SBF2: variants seen among roughly 807,000 people sequenced by gnomAD.
SBF2 encodes SET binding factor 2.
In SBF2, 112 loss-of-function variants were observed where a neutral mutation model predicts 225.2. The observed-to-expected ratio is 0.50, with a 90% CI of 0.43 to 0.58. SBF2 has a LOEUF of 0.58. Among genes scored for constraint, SBF2 ranks in the 20% least tolerant of loss-of-function variants. The pLI is 0.00. For missense variants in SBF2, 1,996 were observed against 2,206.2 expected (o/e 0.90, Z 1.91); for synonymous variants, 763 against 773.3 (o/e 0.99, Z 0.22).
chr11:9,865,045 A>G (rs772229793), intron 17 of SBF2, among the ~76,000 whole-genome samples: 5 of 151,986 alleles, frequency 3.3e-5, no homozygotes, highest in Non-Finnish European at 5.9e-5. Context: ...TGAGTAGCTG[A>G]GACTACAGGT....
At chr11:9,973,538 A>G (rs1946549465) in intron 13 of SBF2, among the ~76,000 whole-genome samples, 2 of 152,188 alleles carry the variant, frequency 1.3e-5, no homozygotes, top group African/African-American at 4.8e-5. Flanking sequence ...TTGGATAATG[A>G]TTTTCAAGGA....
chr11:10,297,954 CCA>C (rs1964563288), upstream of SBF2, among the ~76,000 whole-genome samples: 1 of 152,282 alleles, frequency 6.6e-6, no homozygotes, highest in Non-Finnish European at 1.5e-5. Context: ...CCTACAATAA[CCA>C]CCATCACCTT....
At position 10,303,102 on chromosome 11, in the gene SBF2, G is replaced by A. The variant is rs1478986424; in HGVS notation, n.386+1390C>T. The A allele has an allele frequency of 6.6e-6, 1 of 152,448 alleles. No homozygotes were observed. Among genetic ancestry groups the A allele is most frequent in the Non-Finnish European group, 1.5e-5 (1 of 68,182 alleles). 9.4% of individuals were successfully genotyped at this position (152,448 alleles called of 1,614,324 possible). A position where few individuals can be genotyped will look rare whatever the true frequency, so the allele number is the denominator to read the frequency against. On this transcript the variant is annotated intron_variant and non_coding_transcript_variant, in intron 1 of 5. Coordinates refer to the SBF2 transcript ENST00000685217. The surrounding 1 kb of genome is among the most constrained non-coding windows in gnomAD (Gnocchi z 5.2). ...GGAAAAGGAAATGGGAGACAAGGGA[G>A]AAGAACAATAGTTAGGCTGGGGAGG...
intron 30 of SBF2, chr11:9,809,216 A>G (rs1043814195): frequency 2.1e-6 from 1 of 485,644 alleles, no homozygotes; most frequent in Admixed American, 3.4e-5. Context: ...CCATAATCCC[A>G]GCACTTTGGG....
rs779732322 is a variant in SBF2 at position 9,784,305 on chromosome 11, G to A, written c.5319+46C>T. 5.1e-6 allele frequency: 7 copies of A among 1,380,678 alleles called. No homozygotes were observed. The East Asian group carries it at 1.4e-4, about 27-fold the overall frequency. The allele number at this position is 1,380,678 out of a possible 1,614,324, so 85.5% of individuals were successfully genotyped here. A position where few individuals can be genotyped will look rare whatever the true frequency, so the allele number is the denominator to read the frequency against. On this transcript the variant is annotated intron_variant, in intron 38 of 39. Coordinates refer to ENST00000256190, the MANE Select transcript of SBF2 (RefSeq NM_030962.4). ...GAGCCACATAATAGCCAGGGACTGG[G>A]ACTAGCCTAGACAGAAGTAATTTCT...
chr11:9,781,604 C>T lies in SBF2; in HGVS notation c.5354G>A (p.Cys1785Tyr). Residue 1785 changes from cysteine (C) to tyrosine (Y), a missense_variant, in exon 39 of 40, where the codon TGT (cysteine) becomes TAT (tyrosine). Transcript: ENST00000256190. ...TTCAGCCAGATCAATGTGGCCTTTA[C>T]AGCTTGTGTCCTCACCTGAGTCATA... is the stretch of plus-strand genomic sequence containing the variant. ...RYYDSGEDTS[C>Y]KGHIDLAEVE... is the part of the protein sequence containing the mutation. 3 of 1,614,212 alleles carry T rather than the reference C, an allele frequency of 1.9e-6. No individual in the cohort carries two copies. The South Asian group carries it at 3.3e-5, about 18-fold the overall frequency.
At chr11:10,134,850 C>A (rs1954272764) in intron 2 of SBF2, among the ~76,000 whole-genome samples, 1 of 152,204 alleles carries the variant, frequency 6.6e-6, no homozygotes, top group Non-Finnish European at 1.5e-5. Context: ...ACAGTGCAAG[C>A]TGTCGGTGGA....
At chr11:10,286,166 G>GCACGCA (rs1555108875) in intron 1 of SBF2, among the ~76,000 whole-genome samples, 2 of 147,238 alleles carry the variant, frequency 1.4e-5, no homozygotes, top group African/African-American at 2.5e-5. Context: ...ACACGCACAC[G>GCACGCA]CACACACACA....
intron 13 of SBF2, among the ~76,000 whole-genome samples, chr11:9,977,269 A>G (rs1312793913): frequency 2.6e-5 from 4 of 152,054 alleles, no homozygotes; most frequent in African/African-American, 9.7e-5. Context: ...GGACTGCTTG[A>G]GGCTAGGAGT....
chr11:10,233,649 A>C lies in SBF2; in HGVS notation c.56-39662T>G, dbSNP rs961146695. On this transcript the variant is annotated intron_variant, in intron 1 of 39. Transcript: ENST00000256190. ...AAAGGTATTGATTAGTAAGTCAGCCAAAGATATGAGCCACTCAGATCTCCT... is the reference window on the plus strand; with the variant it reads ...AAAGGTATTGATTAGTAAGTCAGCCCAAGATATGAGCCACTCAGATCTCCT... Among the ~76,000 whole-genome samples the C allele has an allele frequency of 5.9e-5, 9 of 152,082 alleles. No individual in the cohort carries two copies. In the South Asian group the frequency reaches 1.9e-3, roughly 32 times the overall value.
At chr11:9,886,587 T>C (rs1176073315) in intron 17 of SBF2, among the ~76,000 whole-genome samples, 1 of 148,624 alleles carries the variant, frequency 6.7e-6, no homozygotes, top group Non-Finnish European at 1.5e-5. Context: ...CTTTAAAAAG[T>C]GGATTTCTGC....
At chr11:9,869,072 C>A (rs919132654) in intron 17 of SBF2, among the ~76,000 whole-genome samples, 1 of 152,234 alleles carries the variant, frequency 6.6e-6, no homozygotes, top group African/African-American at 2.4e-5. Flanking sequence ...TGGTGAACCA[C>A]AGGCATAGCC....
chr11:10,137,286 T>C (rs1954418141), intron 2 of SBF2, among the ~76,000 whole-genome samples: 1 of 152,226 alleles, frequency 6.6e-6, no homozygotes, highest in African/African-American at 2.4e-5. Flanking sequence ...TAGTTCTAGA[T>C]GTGTTTTTGT....
At position 10,128,424 on chromosome 11, in the gene SBF2, C is replaced by A. The variant is rs184733802; in HGVS notation, c.141+65478G>T. Among the ~76,000 whole-genome samples the A allele has an allele frequency of 2.0e-5, 3 of 152,292 alleles. No homozygotes were observed. The East Asian group carries it at 5.8e-4, about 29-fold the overall frequency. ...GATGCTTACATTACTAACAATAACA[C>A]CTCTTCCTCTTTTCCCTGTAAGAAA... On this transcript the variant is annotated intron_variant, in intron 2 of 39. Coordinates refer to ENST00000256190, the MANE Select transcript of SBF2 (RefSeq NM_030962.4).
intron 32 of SBF2, among the ~76,000 whole-genome samples, chr11:9,804,249 T>A (rs999675271): frequency 6.6e-6 from 1 of 152,198 alleles, no homozygotes; most frequent in African/African-American, 2.4e-5. Context: ...CCTGCATTAC[T>A]GAACTGGGAT....
At chr11:10,068,488 G>T (rs1033505711) in intron 2 of SBF2, among the ~76,000 whole-genome samples, 1 of 152,100 alleles carries the variant, frequency 6.6e-6, no homozygotes, top group Non-Finnish European at 1.5e-5. Flanking sequence ...TAAGACTTGG[G>T]ATTCTAGAAT....
chr11:9,863,889 A>T (rs360163), intron 17 of SBF2, among the ~76,000 whole-genome samples: 9,955 of 151,790 alleles, frequency 0.066, 511 homozygotes, highest in East Asian at 0.28. Context: ...TTTGTTTTTT[A>T]CCTGTGTATG....
intron 2 of SBF2, among the ~76,000 whole-genome samples, chr11:10,066,782 A>G (rs977183410): frequency 6.6e-6 from 1 of 151,832 alleles, no homozygotes; most frequent in Non-Finnish European, 1.5e-5. Context: ...GCAATCAAGC[A>G]AAAAAAAGGA....
intron 1 of SBF2, among the ~76,000 whole-genome samples, chr11:10,202,969 C>T (rs981664634): frequency 6.7e-6 from 1 of 149,056 alleles, no homozygotes; most frequent in Non-Finnish European, 1.5e-5. Flanking sequence ...AGAAAGAAAA[C>T]AAATTATGTG....
Sources: allele counts gnomAD v4.1 joint callset (sites outside exome capture counted in the v4.1 genomes callset), GRCh38; gene constraint gnomAD v4.1.1; non-coding constraint Gnocchi (gnomAD v3.1); transcripts MANE v1.5; gene names NCBI Gene and HGNC (gene_info 2026-07-23, HGNC 2026-07-21).